SLC27A2: variants seen among roughly 807,000 people sequenced by gnomAD.
The protein encoded by SLC27A2 is solute carrier family 27 member 2.
SLC27A2 carries 54 observed loss-of-function variants against 60.0 expected under a neutral mutation model. The observed-to-expected ratio is 0.90, with a 90% CI of 0.72 to 1.13. SLC27A2 has a LOEUF of 1.13. Among genes scored for constraint, SLC27A2 ranks in the 50% most tolerant of loss-of-function variants. The pLI, the probability that SLC27A2 is intolerant of heterozygous loss-of-function variation, is 0.00. For synonymous variants in SLC27A2, 297 were observed against 297.6 expected (o/e 1.00, Z 0.02); for missense variants, 739 against 777.6 (o/e 0.95, Z 0.59).
At chr15:50,216,610 G>GTGTGTGTGTGTATATATATA (rs1323910367) in intron 4 of SLC27A2, among the ~76,000 whole-genome samples, 1 of 66,492 alleles carries the variant, frequency 1.5e-5, no homozygotes, top group African/African-American at 5.5e-5. Flanking sequence ...GTGTGTGTGT[G>GTGTGTGTGTGTATATATATA]TATATATATA....
intron 1 of SLC27A2, among the ~76,000 whole-genome samples, chr15:50,189,320 G>A (rs935381809): frequency 2.0e-4 from 31 of 152,138 alleles, no homozygotes; most frequent in African/African-American, 6.7e-4. Flanking sequence ...TGGTAGGACA[G>A]CGGTGCTCTC....
At chr15:50,187,912 G>T (rs535159198) in intron 1 of SLC27A2, among the ~76,000 whole-genome samples, 1 of 150,210 alleles carries the variant, frequency 6.7e-6, no homozygotes, top group East Asian at 2.0e-4. Context: ...GAGAAAAACT[G>T]ATGGTACAAC....
intron 7 of SLC27A2, among the ~76,000 whole-genome samples, chr15:50,228,143 C>A (rs969340468): frequency 2.6e-5 from 4 of 151,986 alleles, no homozygotes; most frequent in Admixed American, 2.6e-4. Flanking sequence ...TTTGGGAGGC[C>A]GAGGCGGGTG....
intron 4 of SLC27A2, among the ~76,000 whole-genome samples, chr15:50,211,567 G>T (rs1438514271): frequency 2.0e-5 from 3 of 152,110 alleles, no homozygotes; most frequent in African/African-American, 7.2e-5. Flanking sequence ...GAAAAGCCAA[G>T]GCTCATCAAC....
rs576334406 is a variant in SLC27A2, at chr15:50,197,574, A to C, written c.553A>C (p.Thr185Pro). 4 of 1,614,044 alleles carry C rather than the reference A, an allele frequency of 2.5e-6. No homozygotes were observed. In the East Asian group the frequency reaches 8.9e-5, roughly 36 times the overall value. The change falls in exon 2 of 10, where the codon ACT becomes CCT. Residue 185 changes from threonine (T) to proline (P), a missense_variant. Transcript: ENST00000267842. ...TGTGTCCATCTATTATGTGAGCAGA[A>C]CTTCTAACACAGATGGGATTGACTC... is the stretch of plus-strand genomic sequence containing the variant. Reference protein sequence around the residue: ...DDVSIYYVSRTSNTDGIDSFL... With the variant: ...DDVSIYYVSRPSNTDGIDSFL...
At chr15:50,183,965 C>G (rs994728168) in intron 1 of SLC27A2, among the ~76,000 whole-genome samples, 1 of 148,352 alleles carries the variant, frequency 6.7e-6, no homozygotes, top group Non-Finnish European at 1.5e-5. Context: ...TAGCTCTATC[C>G]AACTTCGAAG....
chr15:50,192,735 T>G (rs183568322), intron 1 of SLC27A2, among the ~76,000 whole-genome samples: 1 of 150,686 alleles, frequency 6.6e-6, no homozygotes, highest in Non-Finnish European at 1.5e-5. Context: ...GTGTATTTTT[T>G]TGTAGAGGTG....
intron 1 of SLC27A2, among the ~76,000 whole-genome samples, chr15:50,196,077 AATATATATATATATATAT>A (rs58819609): frequency 2.6e-4 from 4 of 15,438 alleles, no homozygotes; most frequent in African/African-American, 1.0e-3. Flanking sequence ...AAAAAAAAAA[AATATATATATATATATAT>A]ATATATATAT....
intron 7 of SLC27A2, 34 bp from the exon 8 acceptor site, chr15:50,228,911 C>A: frequency 6.9e-7 from 1 of 1,446,344 alleles, no homozygotes; most frequent in Non-Finnish European, 9.7e-7. Context: ...CAGAAACCAC[C>A]AGTGACCTCT....
At chr15:50,235,783 C>T in intron 9 of SLC27A2, 137 bp from the exon 10 acceptor site, 1 of 577,402 alleles carries the variant, frequency 1.7e-6, no homozygotes, top group Non-Finnish European at 3.0e-6. Flanking sequence ...TTTATTTTAA[C>T]TTTCACTTCC....
At chr15:50,186,068 T>C (rs1015005648) in intron 1 of SLC27A2, among the ~76,000 whole-genome samples, 1 of 149,050 alleles carries the variant, frequency 6.7e-6, no homozygotes, top group African/African-American at 2.5e-5. Context: ...TGAAACCCCA[T>C]CTCTACAAAA....
chr15:50,235,192 T>C (rs1232160497), intron 9 of SLC27A2, among the ~76,000 whole-genome samples: 2 of 152,224 alleles, frequency 1.3e-5, no homozygotes, highest in African/African-American at 4.8e-5. Flanking sequence ...CCTGTTGATG[T>C]TCATAGGGCA....
intron 9 of SLC27A2, among the ~76,000 whole-genome samples, chr15:50,235,372 A>G (rs2045344350): frequency 6.6e-6 from 1 of 152,206 alleles, no homozygotes; most frequent in African/African-American, 2.4e-5. Flanking sequence ...TAATCCCACC[A>G]TGAATCAGGA....
At chr15:50,224,167 G>T (rs572871137) in intron 5 of SLC27A2, among the ~76,000 whole-genome samples, 1 of 152,224 alleles carries the variant, frequency 6.6e-6, no homozygotes, top group African/African-American at 2.4e-5. Flanking sequence ...ACAGCCAGGC[G>T]CAGCGGCTCA....
Position 50,182,477 on chromosome 15 carries a change from T to G in SLC27A2, c.50T>G (p.Leu17Arg), listed in dbSNP as rs2044863552. The change falls in exon 1 of 10, where the codon CTC becomes CGC. Residue 17 changes from leucine to arginine, a missense_variant. By Grantham distance (102) the Leu-to-Arg change is moderately radical (BLOSUM62 -2). Transcript: ENST00000267842. ...CTGGCGGGACTGCTGTTCCTGCCGC[T>G]CCTGGTGAACCTCTGCTGCCCATAC... ...TVLAGLLFLP[L>R]LVNLCCPYFF... The G allele has an allele frequency of 2.5e-6, 4 of 1,610,098 alleles. No homozygotes were observed. The highest frequency in any genetic ancestry group is 3.4e-6 in the Non-Finnish European group (4 of 1,178,444).
chr15:50,192,719 T>G (rs193036040), intron 1 of SLC27A2, among the ~76,000 whole-genome samples: 60 of 151,290 alleles, frequency 4.0e-4, no homozygotes, highest in African/African-American at 1.4e-3. Context: ...TAATATTTCT[T>G]TGTGTGTGTA....
At chr15:50,199,507 G>A (rs8023635) in intron 2 of SLC27A2, among the ~76,000 whole-genome samples, 55 of 149,240 alleles carry the variant, frequency 3.7e-4, no homozygotes, top group African/African-American at 1.1e-3. Flanking sequence ...GAAAAAAAAA[G>A]AAAACCCCTT....
intron 1 of SLC27A2, among the ~76,000 whole-genome samples, chr15:50,188,449 C>A (rs28448616): frequency 0.26 from 39,468 of 152,062 alleles, 5,486 homozygotes; most frequent in East Asian, 0.48. Flanking sequence ...GGCCTCACTT[C>A]CACAGAAGGA....
At chr15:50,205,218 C>T (rs780174106) in intron 3 of SLC27A2, 21 bp from the exon 4 acceptor site, 6 of 1,584,078 alleles carry the variant, frequency 3.8e-6, no homozygotes, top group Non-Finnish European at 5.2e-6. Context: ...TTTCTTGACA[C>T]TTTCTGTGCT....
Sources: gnomAD v4.1 joint callset for allele counts (sites outside exome capture counted in the v4.1 genomes callset) on GRCh38, gnomAD v4.1.1 for gene constraint, MANE v1.5 for transcripts, NCBI Gene and HGNC (gene_info 2026-07-23, HGNC 2026-07-21) for gene names.